Variants in ETNK1 observed in about 807,000 individuals in gnomAD.
ETNK1 encodes the protein putative protein product of Nbla10396.
A neutral mutation model predicts 45.1 loss-of-function variants in ETNK1; 8 were observed. That is an observed-to-expected ratio of 0.18 (90% CI 0.10 to 0.32). The LOEUF is 0.32. Ranked by LOEUF, ETNK1 falls within the 10% of genes least tolerant of loss-of-function variation. The probability of loss-of-function intolerance (pLI) is 1.00; values close to 1 mark genes in which losing one functional copy is unlikely to be tolerated. For missense variants in ETNK1, 302 were observed against 430.6 expected (o/e 0.70, Z 2.64); for synonymous variants, 152 against 151.9 (o/e 1.00, Z -0.01).
intron 6 of ETNK1, among the ~76,000 whole-genome samples, chr12:22,684,114 G>A (rs1954237919): frequency 6.6e-6 from 1 of 152,076 alleles, no homozygotes; most frequent in Admixed American, 6.6e-5. Flanking sequence ...ATATTTGTAT[G>A]TCAAGAAACA....
Position 22,684,388 on chromosome 12 carries a change from A to G in ETNK1, c.946-95A>G, listed in dbSNP as rs180967988. On this transcript the variant is annotated intron_variant, in intron 6 of 7. Transcript: ENST00000266517. ...AAAGAACAGCAAGAAAGTGTGGTGC[A>G]TGGAGTTGATTTAGAGGATAGAATT... 4.8e-4 allele frequency: 385 copies of G among 805,984 alleles called. 1 individual carries two copies. The African/African-American group carries it at 6.0e-3, about 12-fold the overall frequency. 49.9% of individuals were successfully genotyped at this position (805,984 alleles called of 1,614,324 possible). A position where few individuals can be genotyped will look rare whatever the true frequency, so the allele number is the denominator to read the frequency against.
chr12:22,681,825 A>G (rs1954218233), intron 6 of ETNK1, among the ~76,000 whole-genome samples: 1 of 152,038 alleles, frequency 6.6e-6, no homozygotes, highest in East Asian at 1.9e-4. Flanking sequence ...TTTGTGATGG[A>G]TTGTTTCATT....
At chr12:22,672,182 C>A (rs985548919) in intron 5 of ETNK1, among the ~76,000 whole-genome samples, 1 of 151,728 alleles carries the variant, frequency 6.6e-6, no homozygotes, top group African/African-American at 2.4e-5. Context: ...CATTTTTACC[C>A]CTATTAATTT....
intron 1 of ETNK1, among the ~76,000 whole-genome samples, chr12:22,635,903 G>A (rs1415563313): frequency 2.0e-5 from 3 of 152,058 alleles, no homozygotes; most frequent in Non-Finnish European, 4.4e-5. Flanking sequence ...TGAAAAGAAT[G>A]TATGTTCTTG....
At chr12:22,641,361 GTCAC>G (rs1953734239) in intron 1 of ETNK1, among the ~76,000 whole-genome samples, 1 of 152,162 alleles carries the variant, frequency 6.6e-6, no homozygotes, top group African/African-American at 2.4e-5. Flanking sequence ...AAGAGCAGCA[GTCAC>G]TCATATTAGC....
At chr12:22,648,879 CAT>C (rs1229069717) in intron 2 of ETNK1, among the ~76,000 whole-genome samples, 3 of 152,034 alleles carry the variant, frequency 2.0e-5, no homozygotes, top group Admixed American at 2.0e-4. Flanking sequence ...TCCTCACCAG[CAT>C]TGGGTGTTAT....
chr12:22,646,521 A>G (rs944905796), intron 2 of ETNK1, among the ~76,000 whole-genome samples: 1 of 151,756 alleles, frequency 6.6e-6, no homozygotes, highest in Non-Finnish European at 1.5e-5. Context: ...CTTACTGACA[A>G]TTTGGGGTTA....
At chr12:22,667,097 C>A (rs1032389204) in intron 4 of ETNK1, among the ~76,000 whole-genome samples, 8 of 152,042 alleles carry the variant, frequency 5.3e-5, no homozygotes, top group Non-Finnish European at 1.0e-4. Context: ...AATAAAATAT[C>A]TGTAAGTCAG....
In ETNK1 at chr12:22,686,851, A is replaced by ATTTTTTTTT. The variant is rs3983448; in HGVS notation, c.*1917_*1925dup. 164 of 69,272 alleles carry ATTTTTTTTT rather than the reference A, an allele frequency of 2.4e-3. 8 individuals carry two copies. Among genetic ancestry groups the ATTTTTTTTT allele is most frequent in the Non-Finnish European group, 3.2e-3 (115 of 36,072 alleles). The allele number at this position is 69,272 out of a possible 1,614,324, so 4.3% of individuals were successfully genotyped here. A position where few individuals can be genotyped will look rare whatever the true frequency, so the allele number is the denominator to read the frequency against. ...AGATAAAGAATGTGTAATACTCTTA[A>ATTTTTTTTT]TTTTTTTTTTTTTTTTTTTTTTTTT... On this transcript the variant is annotated 3_prime_UTR_variant, in exon 8 of 8. Transcript: ENST00000266517.
chr12:22,657,323 G>A lies in ETNK1; in HGVS notation c.417-1691G>A, dbSNP rs192593376. On this transcript the variant is annotated intron_variant, in intron 2 of 7. Transcript: ENST00000266517. ...AGGTTATGGATTTTAATATTTTAAT[G>A]TATTAGATTAAAGATGAGGCTAATA... 4.6e-5 allele frequency among the ~76,000 whole-genome samples: 7 copies of A among 152,222 alleles called. No individual in the cohort carries two copies. In the East Asian group the frequency reaches 1.2e-3, roughly 25 times the overall value.
chr12:22,672,724 A>G (rs1372109317), intron 5 of ETNK1, among the ~76,000 whole-genome samples: 4 of 152,206 alleles, frequency 2.6e-5, no homozygotes, highest in African/African-American at 4.8e-5. Context: ...AAGATGAACT[A>G]CTTACTTTTA....
At chr12:22,683,862 C>G (rs991570131) in intron 6 of ETNK1, among the ~76,000 whole-genome samples, 2 of 152,010 alleles carry the variant, frequency 1.3e-5, no homozygotes, top group African/African-American at 4.8e-5. Flanking sequence ...AAATATTACC[C>G]TGTTTAACTG....
intron 2 of ETNK1, among the ~76,000 whole-genome samples, chr12:22,651,322 A>G (rs754534401): frequency 1.3e-5 from 2 of 152,200 alleles, no homozygotes; most frequent in Non-Finnish European, 2.9e-5. Flanking sequence ...GACAAAGAAA[A>G]GGGAAGATGA....
At position 22,625,389 on chromosome 12, in the gene ETNK1, G is replaced by A. The variant is rs878870080; in HGVS notation, c.-42G>A. On this transcript the variant is annotated 5_prime_UTR_variant, in exon 1 of 8. Coordinates refer to ENST00000266517, the MANE Select transcript of ETNK1 (RefSeq NM_018638.5). Reference sequence around the variant, plus strand: ...GGCGCCCGCCGTTCTCGTGGTCGCCGTCGCCGTCGTCGTGGTGGTAGTCTC... The same window carrying A: ...GGCGCCCGCCGTTCTCGTGGTCGCCATCGCCGTCGTCGTGGTGGTAGTCTC... The A allele has an allele frequency of 6.4e-7, 1 of 1,558,158 alleles. No homozygotes were observed. Among genetic ancestry groups the A allele is most frequent in the Non-Finnish European group, 8.6e-7 (1 of 1,156,182 alleles).
At position 22,625,333 on chromosome 12, in the gene ETNK1, G is replaced by A; in HGVS notation, c.-98G>A. On this transcript the variant is annotated 5_prime_UTR_variant, in exon 1 of 8. Coordinates refer to ENST00000266517, the MANE Select transcript of ETNK1 (RefSeq NM_018638.5). Reference sequence around the variant, plus strand: ...GCGCCCCCAGCCCTCCCGCGAGGGCGCCCCGGGACGGAAGGATCCACCAGT... The same window carrying A: ...GCGCCCCCAGCCCTCCCGCGAGGGCACCCCGGGACGGAAGGATCCACCAGT... The A allele has an allele frequency of 6.3e-7, 1 of 1,587,406 alleles. No homozygotes were observed.
intron 1 of ETNK1, among the ~76,000 whole-genome samples, chr12:22,628,237 C>T (rs1321366805): frequency 2.6e-5 from 4 of 151,970 alleles, no homozygotes; most frequent in South Asian, 2.1e-4. Flanking sequence ...CTGAATTTGC[C>T]GTTTACAAAT....
Position 22,625,205 on chromosome 12 carries a change from T to G in ETNK1, c.-226T>G. 1 of 1,609,758 alleles carries G rather than the reference T, an allele frequency of 6.2e-7. No homozygotes were observed. The highest frequency in any genetic ancestry group is 1.1e-5 in the South Asian group (1 of 90,926). ...CGCGGTCCAGCTCCGACAACAGGAATTTTCTCCGAGAGCGGGCCGGGCTCA... is the reference window on the plus strand; with the variant it reads ...CGCGGTCCAGCTCCGACAACAGGAAGTTTCTCCGAGAGCGGGCCGGGCTCA... On this transcript the variant is annotated 5_prime_UTR_variant, in exon 1 of 8. Coordinates refer to ENST00000266517, the MANE Select transcript of ETNK1 (RefSeq NM_018638.5).
intron 4 of ETNK1, among the ~76,000 whole-genome samples, chr12:22,665,478 C>CCAAG (rs1304504165): frequency 1.3e-5 from 2 of 152,018 alleles, no homozygotes; most frequent in African/African-American, 4.8e-5. Flanking sequence ...TAGCACTGGA[C>CCAAG]CAAGGACTTA....
Position 22,684,936 on chromosome 12 carries a change from A to T in ETNK1, c.1074A>T (p.Ala358=), listed in dbSNP as rs1954247154. ...QYFKMKPEVT[A]LKVPE ...TTAAAATGAAGCCTGAGGTTACTGC[A>T]TTAAAAGTGCCTGAGTAAAGAAGAG... Residue 358 remains alanine (A), a synonymous_variant, in exon 8 of 8, where the codon GCA becomes GCT. Transcript: ENST00000266517. 6.2e-7 allele frequency: 1 copy of T among 1,607,014 alleles called. No homozygotes were observed. The highest frequency in any genetic ancestry group is 1.1e-5 in the South Asian group (1 of 89,928).
Sources: gnomAD v4.1 joint callset for allele counts (sites outside exome capture counted in the v4.1 genomes callset) on GRCh38, gnomAD v4.1.1 for gene constraint, MANE v1.5 for transcripts, NCBI Gene and HGNC (gene_info 2026-07-23, HGNC 2026-07-21) for gene names.